The following DGKI variants were observed in gnomAD, a reference collection of about 807,000 sequenced individuals.
The protein encoded by DGKI is diacylglycerol kinase iota.
A neutral mutation model predicts 147.5 loss-of-function variants in DGKI; 55 were observed. The observed-to-expected ratio is 0.37, with a 90% CI of 0.30 to 0.47. The LOEUF (loss-of-function observed/expected upper bound fraction) is 0.47, where lower values mean the gene tolerates loss of function less well. Ranked by LOEUF, DGKI falls within the 20% of genes least tolerant of loss-of-function variation. The probability of loss-of-function intolerance (pLI) is 1.00; values close to 1 mark genes in which losing one functional copy is unlikely to be tolerated. For missense variants in DGKI, 1,007 were observed against 1,323.8 expected, an observed-to-expected ratio of 0.76 and a Z score of 3.71; for synonymous variants, 469 against 477.1, an observed-to-expected ratio of 0.98 and a Z score of 0.22.
intron 28 of DGKI, among the ~76,000 whole-genome samples, chr7:137,439,697 T>C (rs1216689585): frequency 1.3e-5 from 2 of 152,238 alleles, no homozygotes; most frequent in African/African-American, 2.4e-5. Flanking sequence ...GGATTCATTA[T>C]TGAACACTTT....
chr7:137,399,852 G>A (rs1299885124), intron 30 of DGKI, among the ~76,000 whole-genome samples: 1 of 151,600 alleles, frequency 6.6e-6, no homozygotes, highest in Non-Finnish European at 1.5e-5. Flanking sequence ...AGAGGTTGCA[G>A]TGAGCCAAGA....
At chr7:137,843,374 T>C (rs1487746944) in intron 1 of DGKI, 2 of 980,984 alleles carry the variant, frequency 2.0e-6, no homozygotes, top group Non-Finnish European at 2.4e-6. Flanking sequence ...GTAGTAATTT[T>C]AAAAGAAAAG....
At chr7:137,637,794 CAA>C (rs1563124643) in intron 6 of DGKI, among the ~76,000 whole-genome samples, 1 of 152,156 alleles carries the variant, frequency 6.6e-6, no homozygotes, top group Non-Finnish European at 1.5e-5. Flanking sequence ...TTTTCTTTAA[CAA>C]GAGAGAATTT....
intron 27 of DGKI, among the ~76,000 whole-genome samples, chr7:137,460,268 A>G (rs565237189): frequency 6.6e-6 from 1 of 152,224 alleles, no homozygotes; most frequent in African/African-American, 2.4e-5. Context: ...GAAACTGCAT[A>G]TATATTCTGC....
intron 28 of DGKI, among the ~76,000 whole-genome samples, chr7:137,430,510 T>A (rs1585108047): frequency 6.6e-6 from 1 of 151,842 alleles, no homozygotes; most frequent in South Asian, 2.1e-4. Flanking sequence ...CATATGTAAC[T>A]AACCTGCACA....
intron 1 of DGKI, among the ~76,000 whole-genome samples, chr7:137,763,019 A>G (rs189745445): frequency 1.3e-5 from 2 of 152,254 alleles, no homozygotes; most frequent in Admixed American, 6.5e-5. Flanking sequence ...TAGCATTTTG[A>G]TTTCCATGTT....
chr7:137,846,134 TTCTCTCTC>T lies in DGKI; in HGVS notation c.401+320_401+327del, dbSNP rs775814446. On this transcript the variant is annotated intron_variant, in intron 1 of 32. Transcript: ENST00000614521. This position sits in a 1 kb window ranked among gnomAD's most constrained non-coding sequence, Gnocchi z 4.0. ...TCTGCAACCCTTTCTCTCTCTCTCTTTCTCTCTCTCTCTCTCTCTCTCTCTCTCACACA... is the reference window on the plus strand; with the variant it reads ...TCTGCAACCCTTTCTCTCTCTCTCTTTCTCTCTCTCTCTCTCTCTCACACA... Among the ~76,000 whole-genome samples, 18 of 85,330 alleles carry T rather than the reference TTCTCTCTC, an allele frequency of 2.1e-4. No homozygotes were observed. The highest frequency in any genetic ancestry group is 4.4e-5 in the Non-Finnish European group (2 of 45,212). 56.0% of individuals were successfully genotyped at this position (85,330 alleles called of 152,430 possible). A position where few individuals can be genotyped will look rare whatever the true frequency, so the allele number is the denominator to read the frequency against.
chr7:137,391,439 A>T (rs1166060141), intron 32 of DGKI, 103 bp from the exon 33 acceptor site: 2 of 788,320 alleles, frequency 2.5e-6, no homozygotes, highest in Admixed American at 2.6e-5. Flanking sequence ...AAAATCACAG[A>T]AACAGAACTA....
At chr7:137,763,105 T>G (rs547871572) in intron 1 of DGKI, among the ~76,000 whole-genome samples, 1 of 152,338 alleles carries the variant, frequency 6.6e-6, no homozygotes, top group East Asian at 1.9e-4. Context: ...ATGAGAATTC[T>G]CTCTGGTTAG....
At chr7:137,401,042 C>T (rs1811738824) in intron 30 of DGKI, among the ~76,000 whole-genome samples, 1 of 152,124 alleles carries the variant, frequency 6.6e-6, no homozygotes, top group African/African-American at 2.4e-5. Flanking sequence ...CAGGAGAAGC[C>T]TAAGACAAGG....
chr7:137,762,175 A>G (rs1193164065), intron 1 of DGKI, among the ~76,000 whole-genome samples: 2 of 152,320 alleles, frequency 1.3e-5, no homozygotes, highest in East Asian at 3.9e-4. Flanking sequence ...CATTCCCGAT[A>G]TTAAATCTCC....
intron 20 of DGKI, among the ~76,000 whole-genome samples, chr7:137,545,632 G>A (rs1405354428): frequency 6.6e-6 from 1 of 152,138 alleles, no homozygotes; most frequent in Non-Finnish European, 1.5e-5. Context: ...CCAATGCTTA[G>A]CATGGAATTC....
intron 23 of DGKI, among the ~76,000 whole-genome samples, chr7:137,477,840 T>G (rs1585153767): frequency 6.6e-6 from 1 of 152,056 alleles, no homozygotes; most frequent in East Asian, 1.9e-4. Context: ...GGTTGTTTTT[T>G]TGTACAGACG....
rs578043248 is a variant in DGKI at position 137,834,918 on chromosome 7, G to A, written c.401+11544C>T. On this transcript the variant is annotated intron_variant, in intron 1 of 32. Coordinates refer to ENST00000614521, the MANE Select transcript of DGKI (RefSeq NM_001321708.2). ...CCTGACAGCTTTGTATATTGACATC[G>A]CCCCTTCACACACATACCCATTGGG... 9.9e-5 allele frequency among the ~76,000 whole-genome samples: 15 copies of A among 152,220 alleles called. No homozygotes were observed. In the East Asian group the frequency reaches 2.9e-3, roughly 29 times the overall value.
At chr7:137,795,632 A>G (rs1339966012) in intron 1 of DGKI, among the ~76,000 whole-genome samples, 1 of 152,220 alleles carries the variant, frequency 6.6e-6, no homozygotes. Context: ...AAGTTCTGAC[A>G]TATTCTTGGG....
At chr7:137,733,506 G>A (rs1394714851) in intron 1 of DGKI, among the ~76,000 whole-genome samples, 2 of 152,140 alleles carry the variant, frequency 1.3e-5, no homozygotes, top group South Asian at 2.1e-4. Context: ...TGAATACTTG[G>A]ATTATTTCCA....
Position 137,609,628 on chromosome 7 carries a change from A to G in DGKI, c.994-19T>C. 1 of 1,601,536 alleles carries G rather than the reference A, an allele frequency of 6.2e-7. No homozygotes were observed. Among genetic ancestry groups the G allele is most frequent in the Non-Finnish European group, 8.6e-7 (1 of 1,169,348 alleles). ...GGGAGTTCTGTAGGGAGAGAGAGAA[A>G]TGCCTGAGCTCAGAGGCAGCCAGCC... is the stretch of plus-strand genomic sequence containing the variant. On this transcript the variant is annotated intron_variant, in intron 8 of 32. Coordinates refer to ENST00000614521, the MANE Select transcript of DGKI (RefSeq NM_001321708.2).
At chr7:137,743,088 T>C (rs969815022) in intron 1 of DGKI, among the ~76,000 whole-genome samples, 1 of 152,220 alleles carries the variant, frequency 6.6e-6, no homozygotes, top group Non-Finnish European at 1.5e-5. Context: ...TTAAATATCC[T>C]AAATATATAC....
chr7:137,503,753 T>C (rs1369816174), intron 21 of DGKI, among the ~76,000 whole-genome samples: 3 of 152,158 alleles, frequency 2.0e-5, no homozygotes, highest in African/African-American at 7.2e-5. Context: ...AAAGGCCCAA[T>C]GTACTGAGAA....
Sources: gnomAD v4.1 joint callset for allele counts (sites outside exome capture counted in the v4.1 genomes callset) on GRCh38, gnomAD v4.1.1 for gene constraint, Gnocchi (gnomAD v3.1) non-coding constraint, MANE v1.5 for transcripts, NCBI Gene and HGNC (gene_info 2026-07-23, HGNC 2026-07-21) for gene names.